ENOX1: variants seen among roughly 807,000 people sequenced by gnomAD.
The protein encoded by ENOX1 is candidate growth-related and time keeping constitutive hydroquinone (NADH) oxidase.
Under a neutral mutation model 82.5 loss-of-function variants are expected in ENOX1, and 42 were observed. The ratio of observed to expected loss-of-function variants is 0.51; its 90% CI spans 0.40 to 0.66. ENOX1 has a LOEUF of 0.66. Among genes scored for constraint, ENOX1 ranks in the 30% least tolerant of loss-of-function variants. The probability of loss-of-function intolerance (pLI) is 0.00; values close to 1 mark genes in which losing one functional copy is unlikely to be tolerated. For synonymous variants in ENOX1, 271 were observed against 282.2 expected (o/e 0.96, Z 0.40); for missense variants, 608 against 811.6 (o/e 0.75, Z 3.05).
chr13:43,223,275 G>C (rs1034860771), intron 16 of ENOX1, among the ~76,000 whole-genome samples: 1 of 152,088 alleles, frequency 6.6e-6, no homozygotes, highest in Non-Finnish European at 1.5e-5. Flanking sequence ...CAGGCAACTC[G>C]CTGGCTTCTC....
rs567709637 is a variant in ENOX1, at chr13:43,261,014, G to A, written c.1611+4384C>T. Among the ~76,000 whole-genome samples the A allele has an allele frequency of 3.3e-5, 5 of 152,302 alleles. No individual in the cohort carries two copies. In the East Asian group the frequency reaches 7.7e-4, roughly 24 times the overall value. On this transcript the variant is annotated intron_variant, in intron 14 of 16. Coordinates refer to ENST00000690772, the MANE Select transcript of ENOX1 (RefSeq NM_001347969.2). The stretch of plus-strand genomic sequence containing the variant: ...GGAGAACAAGGCCTTTGCAGTTGAC[G>A]TCAGTTTCTGGCCCTAACAGTTTTA...
At chr13:43,490,613 A>T (rs986524238) in intron 2 of ENOX1, among the ~76,000 whole-genome samples, 3 of 152,170 alleles carry the variant, frequency 2.0e-5, no homozygotes, top group African/African-American at 7.2e-5. Context: ...GGACCTTATT[A>T]AAAAATGTTT....
intron 3 of ENOX1, among the ~76,000 whole-genome samples, chr13:43,444,304 G>C (rs2056511459): frequency 6.6e-6 from 1 of 152,346 alleles, no homozygotes; most frequent in South Asian, 2.1e-4. Context: ...TCAGCAAGGA[G>C]AGCAAGGAGA....
intron 2 of ENOX1, among the ~76,000 whole-genome samples, chr13:43,616,350 C>T (rs554663960): frequency 1.1e-4 from 16 of 148,096 alleles, no homozygotes; most frequent in South Asian, 2.2e-4. Flanking sequence ...GTACAGGTGC[C>T]GCCACCACAC....
At chr13:43,296,675 T>C (rs895553975) in intron 12 of ENOX1, among the ~76,000 whole-genome samples, 1 of 152,214 alleles carries the variant, frequency 6.6e-6, no homozygotes, top group African/African-American at 2.4e-5. Context: ...ACACTGCTCC[T>C]TTGTGGACCA....
chr13:43,777,471 T>C (rs1042079148), intron 1 of ENOX1, among the ~76,000 whole-genome samples: 5 of 152,152 alleles, frequency 3.3e-5, no homozygotes, highest in African/African-American at 1.2e-4. Context: ...ATCCTGCTAA[T>C]AAAACTGTAC....
At chr13:43,221,947 G>A (rs373172137) in intron 16 of ENOX1, among the ~76,000 whole-genome samples, 6 of 152,244 alleles carry the variant, frequency 3.9e-5, no homozygotes, top group African/African-American at 1.4e-4. Flanking sequence ...CATGTGGTCT[G>A]ATCCCTGGTG....
chr13:43,495,959 T>C (rs765813292), intron 2 of ENOX1, among the ~76,000 whole-genome samples: 2 of 152,200 alleles, frequency 1.3e-5, no homozygotes, highest in Non-Finnish European at 2.9e-5. Context: ...TAAACATTCT[T>C]ATCTTCTTTT....
intron 6 of ENOX1, 146 bp downstream of exon 6, chr13:43,361,133 C>G (rs2050474690): frequency 2.6e-6 from 2 of 762,814 alleles, no homozygotes; most frequent in Non-Finnish European, 4.1e-6. Flanking sequence ...TTATTGTAAC[C>G]TAGAGACAAA....
chr13:43,265,428 C>T lies in ENOX1; in HGVS notation c.1581G>A (p.Glu527=). 1 of 1,612,108 alleles carries T rather than the reference C, an allele frequency of 6.2e-7. No homozygotes were observed. Among genetic ancestry groups the T allele is most frequent in the Non-Finnish European group, 8.5e-7 (1 of 1,179,066 alleles). The stretch of plus-strand genomic sequence containing the variant: ...AATCCTCATGGCTGTGGCCATTGGT[C>T]TCGACCAATTCCTTGGTACCTTTTA... ...EQLKGTKELV[E]TNGHSHEDSN... The change falls in exon 14 of 17, where the codon GAG becomes GAA. Residue 527 remains glutamate, a synonymous_variant. Coordinates refer to ENST00000690772, the MANE Select transcript of ENOX1 (RefSeq NM_001347969.2).
At chr13:43,300,593 C>T (rs1027981645) in intron 11 of ENOX1, among the ~76,000 whole-genome samples, 2 of 152,114 alleles carry the variant, frequency 1.3e-5, no homozygotes, top group African/African-American at 2.4e-5. Context: ...GAGAGAAACT[C>T]GACCAAAAGC....
In ENOX1 at chr13:43,640,164, C is replaced by T. The variant is rs546217486; in HGVS notation, c.-219+27315G>A. ...TATGGTAAAAGTAGATTATATACTC[C>T]CTAACAAGGGCATCTGTTTTTAATC... On this transcript the variant is annotated intron_variant, in intron 2 of 16. Coordinates refer to ENST00000690772, the MANE Select transcript of ENOX1 (RefSeq NM_001347969.2). Among the ~76,000 whole-genome samples the T allele has an allele frequency of 5.9e-5, 9 of 152,196 alleles. No individual in the cohort carries two copies. In the South Asian group the frequency reaches 1.9e-3, roughly 32 times the overall value.
intron 1 of ENOX1, among the ~76,000 whole-genome samples, chr13:43,672,418 C>G (rs2085312128): frequency 6.6e-6 from 1 of 152,174 alleles, no homozygotes; most frequent in African/African-American, 2.4e-5. Context: ...ACTTTTTCAT[C>G]ACCTAGCATA....
chr13:43,445,704 G>T (rs189605819), intron 3 of ENOX1, among the ~76,000 whole-genome samples: 1 of 152,256 alleles, frequency 6.6e-6, no homozygotes, highest in Admixed American at 6.5e-5. Flanking sequence ...CAGCATAATA[G>T]GACCATTACC....
chr13:43,476,880 T>C (rs2058305842), intron 3 of ENOX1, among the ~76,000 whole-genome samples: 1 of 151,998 alleles, frequency 6.6e-6, no homozygotes, highest in African/African-American at 2.4e-5. Context: ...ACCTCATATA[T>C]CCACTGTAAA....
intron 1 of ENOX1, among the ~76,000 whole-genome samples, chr13:43,711,408 A>T (rs550064849): frequency 3.3e-5 from 5 of 152,222 alleles, no homozygotes; most frequent in African/African-American, 4.8e-5. Context: ...TATAGCAGCA[A>T]GATGTATAAT....
intron 5 of ENOX1, among the ~76,000 whole-genome samples, chr13:43,363,610 C>A (rs993362868): frequency 6.6e-6 from 1 of 152,148 alleles, no homozygotes; most frequent in African/African-American, 2.4e-5. Flanking sequence ...TTCCGTACAT[C>A]GGCTTCATCT....
At chr13:43,643,640 TATATATATACACACAC>T (rs1310926883) in intron 2 of ENOX1, among the ~76,000 whole-genome samples, 1 of 151,216 alleles carries the variant, frequency 6.6e-6, no homozygotes, top group African/African-American at 2.4e-5. Flanking sequence ...TGTGTATATA[TATATATATACACACAC>T]ATATATATAT....
At chr13:43,643,141 C>CAA (rs1265612918) in intron 2 of ENOX1, among the ~76,000 whole-genome samples, 1 of 152,134 alleles carries the variant, frequency 6.6e-6, no homozygotes, top group East Asian at 1.9e-4. Context: ...GTGCAAGCTC[C>CAA]CCTACTGTAT....
Sources: gnomAD v4.1 joint callset for allele counts (sites outside exome capture counted in the v4.1 genomes callset) on GRCh38, gnomAD v4.1.1 for gene constraint, MANE v1.5 for transcripts, NCBI Gene and HGNC (gene_info 2026-07-23, HGNC 2026-07-21) for gene names.